OSGIN2: variants seen among roughly 807,000 people sequenced by gnomAD.
OSGIN2 encodes oxidative stress-induced growth inhibitor 2.
A neutral mutation model predicts 53.8 loss-of-function variants in OSGIN2; 19 were observed. That is an observed-to-expected ratio of 0.35 (90% CI 0.25 to 0.52). The LOEUF is 0.52. OSGIN2 is among the 20% of genes least tolerant of loss of function. OSGIN2 has a pLI of 0.95. For synonymous variants in OSGIN2, 236 were observed against 236.0 expected, an observed-to-expected ratio of 1.00 and a Z score of 0.00; for missense variants, 520 against 662.7, an observed-to-expected ratio of 0.78 and a Z score of 2.36.
intron 5 of OSGIN2, 146 bp from the exon 6 acceptor site, chr8:89,924,357 G>A (rs1394474523): frequency 2.0e-6 from 1 of 490,302 alleles, no homozygotes; most frequent in African/African-American, 2.0e-5. Flanking sequence ...ACTAAAAATA[G>A]TTTTTTTTTT....
chr8:89,906,241 G>A (rs905135872), intron 1 of OSGIN2, among the ~76,000 whole-genome samples: 3 of 152,180 alleles, frequency 2.0e-5, no homozygotes, highest in East Asian at 1.9e-4. Context: ...TGGAAGAATT[G>A]TCTTGGGCCA....
chr8:89,918,574 T>C (rs1414080647), intron 4 of OSGIN2, among the ~76,000 whole-genome samples: 4 of 152,210 alleles, frequency 2.6e-5, no homozygotes, highest in Admixed American at 2.6e-4. Context: ...GGCTTGCATA[T>C]TGATATTAAT....
chr8:89,921,871 C>T (rs1314081992), intron 5 of OSGIN2, among the ~76,000 whole-genome samples: 3 of 151,754 alleles, frequency 2.0e-5, no homozygotes, highest in Admixed American at 1.3e-4. Context: ...CCCAGCTACT[C>T]GGGAGGCTAA....
chr8:89,925,303 G>C lies in OSGIN2; in HGVS notation c.1421G>C (p.Gly474Ala). ...SFLKDQGCYL[G>A]HKSSQPITCK... ...CTGAAGGATCAAGGGTGTTACCTAG[G>C]CCATAAGTCAAGCCAGCCAATCACA... Residue 474 changes from glycine (G) to alanine (A), a missense_variant, in exon 6 of 6, where the codon GGC (glycine) becomes GCC (alanine). Gly to Ala is a moderately conservative substitution (Grantham distance 60, BLOSUM62 0). Coordinates refer to ENST00000451899, the MANE Select transcript of OSGIN2 (RefSeq NM_001126111.3). 1 of 1,614,058 alleles carries C rather than the reference G, an allele frequency of 6.2e-7. No individual in the cohort carries two copies. Among genetic ancestry groups the C allele is most frequent in the Non-Finnish European group, 8.5e-7 (1 of 1,179,964 alleles).
At chr8:89,913,468 A>G (rs1172598167) in intron 2 of OSGIN2, among the ~76,000 whole-genome samples, 2 of 152,246 alleles carry the variant, frequency 1.3e-5, no homozygotes, top group Non-Finnish European at 2.9e-5. Flanking sequence ...GAAGGCTAAC[A>G]TGATGAGGAT....
intron 1 of OSGIN2, 138 bp downstream of exon 1, chr8:89,902,975 T>G: frequency 6.0e-5 from 13 of 215,632 alleles, no homozygotes; most frequent in East Asian, 4.6e-4. Flanking sequence ...CCGTCCTGCC[T>G]GGCGTGGGGG....
Position 89,925,649 on chromosome 8 carries a change from C to A in OSGIN2, c.*117C>A. On this transcript the variant is annotated 3_prime_UTR_variant, in exon 6 of 6. Transcript: ENST00000451899. The stretch of plus-strand genomic sequence containing the variant: ...GAGTTAACTGAAGGAGAGCCTCAAA[C>A]TATAGTAACTTCATTTTTAAAAGTT... 1.5e-6 allele frequency: 1 copy of A among 686,788 alleles called. No homozygotes were observed. The highest frequency in any genetic ancestry group is 2.4e-6 in the Non-Finnish European group (1 of 419,290). The allele number at this position is 686,788 out of a possible 1,614,324, so 42.5% of individuals were successfully genotyped here.
Position 89,914,166 on chromosome 8 carries a change from T to C in OSGIN2, c.289T>C (p.Leu97=). 1 of 1,602,358 alleles carries C rather than the reference T, an allele frequency of 6.2e-7. No homozygotes were observed. The highest frequency in any genetic ancestry group is 8.5e-7 in the Non-Finnish European group (1 of 1,169,820). The change falls in exon 3 of 6, where the codon TTA becomes CTA. Residue 97 remains leucine (L), a synonymous_variant. Transcript: ENST00000451899. ...SSEAIHPNTI[L]NSKLEEARHL... is the part of the protein sequence containing the mutation. ...AGAAGCAATACACCCAAATACAATCTTAAATAGTAAATTAGAAGAAGCAAG... is the reference window on the plus strand; with the variant it reads ...AGAAGCAATACACCCAAATACAATCCTAAATAGTAAATTAGAAGAAGCAAG...
At chr8:89,904,769 G>A (rs1212317245) in intron 1 of OSGIN2, among the ~76,000 whole-genome samples, 1 of 152,054 alleles carries the variant, frequency 6.6e-6, no homozygotes, top group Non-Finnish European at 1.5e-5. Flanking sequence ...ACCTGAGATC[G>A]CACCACTGCA....
intron 1 of OSGIN2, among the ~76,000 whole-genome samples, chr8:89,909,306 C>T (rs926244108): frequency 1.3e-5 from 2 of 151,742 alleles, no homozygotes; most frequent in African/African-American, 4.8e-5. Context: ...CATGAGAGAA[C>T]TGCTTATTAG....
chr8:89,913,125 C>T (rs1052041594), intron 2 of OSGIN2, among the ~76,000 whole-genome samples: 1 of 152,206 alleles, frequency 6.6e-6, no homozygotes. Flanking sequence ...CGTGACTCTT[C>T]AGCAGTAAAG....
At position 89,909,549 on chromosome 8, in the gene OSGIN2, CCTT is replaced by C; in HGVS notation, c.45-17_45-15del. On this transcript the variant is annotated splice_polypyrimidine_tract_variant and intron_variant, in intron 1 of 5. Coordinates refer to ENST00000451899, the MANE Select transcript of OSGIN2 (RefSeq NM_001126111.3). ...ATTGACTATATCTCTTTTTATTCCCCCTTTTTTTTTTTTAAAGAAACTATAGTG... is the reference window on the plus strand; with the variant it reads ...ATTGACTATATCTCTTTTTATTCCCCTTTTTTTTTTAAAGAAACTATAGTG... 7.7e-7 allele frequency: 1 copy of C among 1,305,962 alleles called. No individual in the cohort carries two copies. Among genetic ancestry groups the C allele is most frequent in the Non-Finnish European group, 1.0e-6 (1 of 961,130 alleles). The allele number at this position is 1,305,962 out of a possible 1,614,324, so 80.9% of individuals were successfully genotyped here. A position where few individuals can be genotyped will look rare whatever the true frequency, so the allele number is the denominator to read the frequency against.
At chr8:89,905,908 A>G (rs1808829511) in intron 1 of OSGIN2, among the ~76,000 whole-genome samples, 1 of 152,268 alleles carries the variant, frequency 6.6e-6, no homozygotes, top group South Asian at 2.1e-4. Flanking sequence ...AATAATTTAA[A>G]ATGAAATTAA....
At chr8:89,924,475 T>C (rs755309265) in intron 5 of OSGIN2, 28 bp from the exon 6 acceptor site, 4 of 1,484,156 alleles carry the variant, frequency 2.7e-6, no homozygotes, top group Non-Finnish European at 3.7e-6. Context: ...AGTATCCTTA[T>C]AGGATATTTT....
At chr8:89,919,555 A>G (rs1417310582) in intron 4 of OSGIN2, among the ~76,000 whole-genome samples, 3 of 152,192 alleles carry the variant, frequency 2.0e-5, no homozygotes, top group South Asian at 2.1e-4. Context: ...TGCAAAACTC[A>G]TGCTCATCAG....
chr8:89,923,341 T>C (rs1297302658), intron 5 of OSGIN2, among the ~76,000 whole-genome samples: 1 of 152,156 alleles, frequency 6.6e-6, no homozygotes, highest in Non-Finnish European at 1.5e-5. Context: ...GAAGTAAAAA[T>C]CTAAAGTTAA....
At chr8:89,909,506 G>A (rs1284289658) in intron 1 of OSGIN2, 61 bp from the exon 2 acceptor site, 13 of 870,284 alleles carry the variant, frequency 1.5e-5, no homozygotes, top group Non-Finnish European at 2.1e-5. Flanking sequence ...AGTAGAGATT[G>A]ATTTTTATAA....
chr8:89,916,277 G>T (rs1482950559), intron 4 of OSGIN2, among the ~76,000 whole-genome samples: 1 of 150,170 alleles, frequency 6.7e-6, no homozygotes, highest in Non-Finnish European at 1.5e-5. Context: ...AAGTTAGAAA[G>T]TATGGATAAA....
In OSGIN2 at chr8:89,914,750, A is replaced by C; in HGVS notation, c.528+4A>C. The C allele has an allele frequency of 6.2e-7, 1 of 1,607,338 alleles. No individual in the cohort carries two copies. The highest frequency in any genetic ancestry group is 8.5e-7 in the Non-Finnish European group (1 of 1,174,520). ...TCCACCTGGTGGGGCTTGGCATGTG[A>C]GTATATTTTTCTTAGCATTTTAGTG... On this transcript the variant is annotated splice_donor_region_variant and intron_variant, in intron 4 of 5. Coordinates refer to ENST00000451899, the MANE Select transcript of OSGIN2 (RefSeq NM_001126111.3).
Sources: gnomAD v4.1 joint callset for allele counts (sites outside exome capture counted in the v4.1 genomes callset) on GRCh38, gnomAD v4.1.1 for gene constraint, MANE v1.5 for transcripts, NCBI Gene and HGNC (gene_info 2026-07-23, HGNC 2026-07-21) for gene names.